ATXN1: variants seen among roughly 807,000 people sequenced by gnomAD.
The protein encoded by ATXN1 is ataxin 1.
In ATXN1, 8 loss-of-function variants were observed where a neutral mutation model predicts 56.4. The observed-to-expected ratio is 0.14, with a 90% CI of 0.08 to 0.26. The LOEUF (loss-of-function observed/expected upper bound fraction) is 0.26. Ranked by LOEUF, ATXN1 falls within the 10% of genes least tolerant of loss-of-function variation. The probability of loss-of-function intolerance (pLI) is 1.00; values close to 1 mark genes in which losing one functional copy is unlikely to be tolerated. For missense variants in ATXN1, 987 were observed against 1,106.5 expected, an observed-to-expected ratio of 0.89 and a Z score of 1.53; for synonymous variants, 514 against 494.6, an observed-to-expected ratio of 1.04 and a Z score of -0.52.
intron 4 of ATXN1, among the ~76,000 whole-genome samples, chr6:16,566,723 G>A (rs1762229165): frequency 6.6e-6 from 1 of 152,092 alleles, no homozygotes; most frequent in Non-Finnish European, 1.5e-5. Flanking sequence ...GGGCATGGTG[G>A]TGGGTTCCTG....
At chr6:16,346,581 G>A (rs1304008681) in intron 6 of ATXN1, among the ~76,000 whole-genome samples, 4 of 152,364 alleles carry the variant, frequency 2.6e-5, no homozygotes, top group Non-Finnish European at 5.9e-5. Flanking sequence ...AGTTGATTCA[G>A]TGTCATGTTA....
Position 16,462,012 on chromosome 6 carries a change from C to T in ATXN1, c.-161+23960G>A, listed in dbSNP as rs554555563. ...AATGACCTCCTACTTGATCAGGAAA[C>T]GGCCAAGTTGGTCAAAGATATAACT... is the stretch of plus-strand genomic sequence containing the variant. On this transcript the variant is annotated intron_variant, in intron 6 of 7. Transcript: ENST00000436367. Among the ~76,000 whole-genome samples the T allele has an allele frequency of 1.9e-4, 29 of 152,150 alleles. No individual in the cohort carries two copies. The East Asian group carries it at 2.3e-3, about 12-fold the overall frequency.
intron 5 of ATXN1, among the ~76,000 whole-genome samples, chr6:16,486,730 G>A (rs1017859407): frequency 1.3e-5 from 2 of 152,112 alleles, no homozygotes; most frequent in African/African-American, 4.8e-5. Flanking sequence ...AAGGCATCAC[G>A]CAGGAAGCTA....
intron 5 of ATXN1, among the ~76,000 whole-genome samples, chr6:16,498,848 G>A (rs1561727311): frequency 6.6e-6 from 1 of 152,148 alleles, no homozygotes; most frequent in Non-Finnish European, 1.5e-5. Context: ...AAACTGGGTT[G>A]TTAGTCTTTT....
chr6:16,340,070 C>T (rs564312015), intron 6 of ATXN1, among the ~76,000 whole-genome samples: 53 of 152,318 alleles, frequency 3.5e-4, no homozygotes, highest in Admixed American at 3.1e-3. Context: ...TATGAGCCAC[C>T]GCGCCTGACC....
In ATXN1 at chr6:16,506,870, C is replaced by T. The variant is rs1423172022; in HGVS notation, c.-299+15757G>A. On this transcript the variant is annotated intron_variant, in intron 5 of 7. Transcript: ENST00000436367. This position sits in a 1 kb window ranked among gnomAD's most constrained non-coding sequence, Gnocchi z 4.1. ...TGATTATTGATAACATCATTCAACGCCATGTAATGAGTTGACACCACTGAA... is the reference window on the plus strand; with the variant it reads ...TGATTATTGATAACATCATTCAACGTCATGTAATGAGTTGACACCACTGAA... Among the ~76,000 whole-genome samples, 1 of 152,122 alleles carries T rather than the reference C, an allele frequency of 6.6e-6. No individual in the cohort carries two copies. The highest frequency in any genetic ancestry group is 2.4e-5 in the African/African-American group (1 of 41,414).
intron 6 of ATXN1, among the ~76,000 whole-genome samples, chr6:16,344,560 G>A (rs189572014): frequency 1.3e-5 from 2 of 152,264 alleles, no homozygotes; most frequent in Admixed American, 6.5e-5. Flanking sequence ...TCCTGCCCTC[G>A]AACACCCGAC....
chr6:16,625,177 C>T (rs753374951), intron 3 of ATXN1, among the ~76,000 whole-genome samples: 3 of 152,184 alleles, frequency 2.0e-5, no homozygotes, highest in Non-Finnish European at 2.9e-5. Flanking sequence ...CACCTTAATT[C>T]ACTTCTCTAT....
chr6:16,558,936 C>T lies in ATXN1; in HGVS notation c.-361+26844G>A, dbSNP rs142922664. ...GCTCCTAAAAAAAAAAGTCAATTCA[C>T]AGGATAAACCAAAAACGTAGTAGAA... On this transcript the variant is annotated intron_variant, in intron 4 of 7. Transcript: ENST00000436367. 7.2e-3 allele frequency among the ~76,000 whole-genome samples: 1,087 copies of T among 151,706 alleles called. 17 individuals are homozygous for T. Among genetic ancestry groups the T allele is most frequent in the African/African-American group, 0.024 (989 of 41,412 alleles).
At chr6:16,585,137 C>T (rs1036461992) in intron 4 of ATXN1, among the ~76,000 whole-genome samples, 6 of 151,578 alleles carry the variant, frequency 4.0e-5, no homozygotes, top group Non-Finnish European at 8.8e-5. Flanking sequence ...GCTATTAATA[C>T]TTGGGAGGCT....
rs191942341 is a variant in ATXN1, at chr6:16,524,706, A to G, written c.-360-2018T>C. Among the ~76,000 whole-genome samples the G allele has an allele frequency of 4.6e-5, 7 of 152,352 alleles. No individual in the cohort carries two copies. The East Asian group carries it at 1.3e-3, about 29-fold the overall frequency. The stretch of plus-strand genomic sequence containing the variant: ...ACCATTTGGCACACAACATGTTCAT[A>G]TATCTGTAACAATGGAGGAAAGACA... On this transcript the variant is annotated intron_variant, in intron 4 of 7. Transcript: ENST00000436367.
intron 7 of ATXN1, among the ~76,000 whole-genome samples, chr6:16,321,046 A>C (rs1760638227): frequency 6.6e-6 from 1 of 152,190 alleles, no homozygotes. Context: ...CGAGCCATCT[A>C]AGTTGAAGCA....
intron 6 of ATXN1, among the ~76,000 whole-genome samples, chr6:16,440,207 A>G (rs1327749558): frequency 6.6e-6 from 1 of 152,112 alleles, no homozygotes; most frequent in Non-Finnish European, 1.5e-5. Context: ...GCAAAACCCC[A>G]TCTCTACCAA....
chr6:16,609,852 G>C (rs1763073249), intron 3 of ATXN1, among the ~76,000 whole-genome samples: 1 of 152,142 alleles, frequency 6.6e-6, no homozygotes, highest in Non-Finnish European at 1.5e-5. Context: ...TTTGAAGAAG[G>C]AGGAGGAAAA....
chr6:16,347,132 T>G (rs927087785), intron 6 of ATXN1, among the ~76,000 whole-genome samples: 2 of 152,220 alleles, frequency 1.3e-5, no homozygotes, highest in African/African-American at 4.8e-5. Context: ...TGCCCCTCCG[T>G]GGGCTCCTGT....
intron 5 of ATXN1, among the ~76,000 whole-genome samples, chr6:16,514,347 C>A (rs576157606): frequency 6.6e-6 from 1 of 152,222 alleles, no homozygotes; most frequent in South Asian, 2.1e-4. Context: ...AAGACATTAC[C>A]CCTCATGTCC....
chr6:16,600,551 T>C (rs1455736041), intron 3 of ATXN1, among the ~76,000 whole-genome samples: 1 of 152,188 alleles, frequency 6.6e-6, no homozygotes, highest in Non-Finnish European at 1.5e-5. Flanking sequence ...TTATTCTAAA[T>C]TTAAAACTCC....
intron 1 of ATXN1, among the ~76,000 whole-genome samples, chr6:16,753,875 A>G (rs1760801864): frequency 7.2e-6 from 1 of 138,970 alleles, no homozygotes; most frequent in South Asian, 2.4e-4. Context: ...GTGCATTTAT[A>G]TTCACTAAAC....
Position 16,545,774 on chromosome 6 carries a change from G to C in ATXN1, c.-360-23086C>G, listed in dbSNP as rs573382059. Among the ~76,000 whole-genome samples the C allele has an allele frequency of 2.0e-5, 3 of 152,328 alleles. No homozygotes were observed. In the South Asian group the frequency reaches 6.2e-4, roughly 32 times the overall value. ...TGCCCATTTAAATCATGAGCAGGTGGCACTTGGTAGCAAAGAAAGCCTGAA... is the reference window on the plus strand; with the variant it reads ...TGCCCATTTAAATCATGAGCAGGTGCCACTTGGTAGCAAAGAAAGCCTGAA... On this transcript the variant is annotated intron_variant, in intron 4 of 7. Coordinates refer to ENST00000436367, the MANE Select transcript of ATXN1 (RefSeq NM_001128164.2).
Sources: gnomAD v4.1 joint callset for allele counts (sites outside exome capture counted in the v4.1 genomes callset) on GRCh38, gnomAD v4.1.1 for gene constraint, Gnocchi (gnomAD v3.1) non-coding constraint, MANE v1.5 for transcripts, NCBI Gene and HGNC (gene_info 2026-07-23, HGNC 2026-07-21) for gene names.